NHLRC2: variants seen among roughly 807,000 people sequenced by gnomAD.
NHLRC2 encodes NHL repeat-containing protein 2.
In NHLRC2, 33 loss-of-function variants were observed where a neutral mutation model predicts 68.1. The ratio of observed to expected loss-of-function variants is 0.48; its 90% confidence interval spans 0.37 to 0.65. The LOEUF (loss-of-function observed/expected upper bound fraction) is 0.65, where lower values mean the gene tolerates loss of function less well. Among genes scored for constraint, NHLRC2 ranks in the 30% least tolerant of loss-of-function variants. The pLI is 0.00. For synonymous variants in NHLRC2, 311 were observed against 309.6 expected (o/e 1.00, Z -0.05); for missense variants, 761 against 853.8 (o/e 0.89, Z 1.35).
At chr10:113,866,161 C>G (rs993079372) in intron 2 of NHLRC2, among the ~76,000 whole-genome samples, 5 of 152,242 alleles carry the variant, frequency 3.3e-5, no homozygotes, top group African/African-American at 1.2e-4. Context: ...GCCAGTGCCA[C>G]TTTCACAGTC....
intron 5 of NHLRC2, among the ~76,000 whole-genome samples, chr10:113,897,574 A>G (rs1846187777): frequency 6.6e-6 from 1 of 152,216 alleles, no homozygotes. Context: ...TATATGTAAC[A>G]TAACAGAATA....
At chr10:113,903,448 T>C in intron 8 of NHLRC2, 79 bp from the exon 9 acceptor site, 1 of 831,044 alleles carries the variant, frequency 1.2e-6, no homozygotes, top group Non-Finnish European at 2.0e-6. Context: ...GAAATTAGCT[T>C]GCTTGATACC....
chr10:113,882,069 A>G (rs956638858), intron 4 of NHLRC2, among the ~76,000 whole-genome samples: 1 of 151,636 alleles, frequency 6.6e-6, no homozygotes, highest in Admixed American at 6.6e-5. Context: ...AATATATGAC[A>G]TTTTATCTAC....
At chr10:113,901,312 A>G (rs1458081947) in intron 6 of NHLRC2, among the ~76,000 whole-genome samples, 2 of 152,188 alleles carry the variant, frequency 1.3e-5, no homozygotes, top group African/African-American at 4.8e-5. Flanking sequence ...ATTGCATGAA[A>G]CTAAGAAGTT....
At position 113,855,057 on chromosome 10, in the gene NHLRC2, G is replaced by T; in HGVS notation, c.178+7G>T. 1.3e-6 allele frequency: 2 copies of T among 1,550,692 alleles called. No homozygotes were observed. The highest frequency in any genetic ancestry group is 2.4e-5 in the South Asian group (2 of 84,040). On this transcript the variant is annotated splice_region_variant and intron_variant, in intron 1 of 10. Coordinates refer to ENST00000369301, the MANE Select transcript of NHLRC2 (RefSeq NM_198514.4). ...GTACCCGAGTTTCCGGAAGGTGAGGGGCTGGCGTCGGGGTGGGGGCCCCTC... is the reference window on the plus strand; with the variant it reads ...GTACCCGAGTTTCCGGAAGGTGAGGTGCTGGCGTCGGGGTGGGGGCCCCTC...
rs1283571072 is a variant in NHLRC2, at chr10:113,914,971, G to A, written c.*6435G>A. On this transcript the variant is annotated 3_prime_UTR_variant, in exon 11 of 11. Transcript: ENST00000369301. The stretch of plus-strand genomic sequence containing the variant: ...GGCTGCCTCAGGCTTGCAGAAGGCT[G>A]CCCCAATCACAGAGCCTGGGTAAGG... 1 of 456,282 alleles carries A rather than the reference G, an allele frequency of 2.2e-6. No homozygotes were observed. The highest frequency in any genetic ancestry group is 4.4e-6 in the Non-Finnish European group (1 of 226,966). 28.3% of individuals were successfully genotyped at this position (456,282 alleles called of 1,614,324 possible).
chr10:113,857,423 A>G (rs1228301910), intron 1 of NHLRC2, among the ~76,000 whole-genome samples: 1 of 152,150 alleles, frequency 6.6e-6, no homozygotes. Context: ...GTTTGGACTA[A>G]TTGGCCCAAA....
Position 113,876,730 on chromosome 10 carries a change from G to GAGGGAC in NHLRC2, c.543_548dup (p.Gly182_His183insGlnGly). ...AAACATGTTGTTTTCTTTGATTGGA[G>GAGGGAC]AGGGACACAAAGATAAATTATTTTT... On this transcript the variant is annotated inframe_insertion, in exon 3 of 11. Transcript: ENST00000369301. The GAGGGAC allele has an allele frequency of 6.2e-7, 1 of 1,613,284 alleles. No homozygotes were observed. The highest frequency in any genetic ancestry group is 8.5e-7 in the Non-Finnish European group (1 of 1,179,386).
chr10:113,858,476 T>TA lies in NHLRC2; in HGVS notation c.179-49dup, dbSNP rs1589533309. On this transcript the variant is annotated intron_variant, in intron 1 of 10. Transcript: ENST00000369301. ...TCACATTTTAATGGAAAGTTTTAGG[T>TA]AAATTTTATCTTTCTCTTTAATCAT... 34 of 1,334,976 alleles carry TA rather than the reference T, an allele frequency of 2.5e-5. No homozygotes were observed. The East Asian group carries it at 8.0e-4, about 32-fold the overall frequency. The allele number at this position is 1,334,976 out of a possible 1,614,324, so 82.7% of individuals were successfully genotyped here. A position where few individuals can be genotyped will look rare whatever the true frequency, so the allele number is the denominator to read the frequency against.
Position 113,909,654 on chromosome 10 carries a change from T to C in NHLRC2, c.*1118T>C, listed in dbSNP as rs988459265. The C allele has an allele frequency of 7.2e-5, 11 of 152,146 alleles. No individual in the cohort carries two copies. Among genetic ancestry groups the C allele is most frequent in the Non-Finnish European group, 1.6e-4 (11 of 67,988 alleles). 9.4% of individuals were successfully genotyped at this position (152,146 alleles called of 1,614,324 possible). On this transcript the variant is annotated 3_prime_UTR_variant, in exon 11 of 11. Transcript: ENST00000369301. ...ATTTAATGATACTATTTTTTAATTT[T>C]TGTTGTTTTTTATCCCTAAAAAAAG...
Position 113,908,308 on chromosome 10 carries a change from A to G in NHLRC2, c.1953A>G (p.Ile651Met), listed in dbSNP as rs113017946. 5 of 1,613,454 alleles carry G rather than the reference A, an allele frequency of 3.1e-6. No homozygotes were observed. Among genetic ancestry groups the G allele is most frequent in the East Asian group, 4.5e-5 (2 of 44,882 alleles). The change falls in exon 11 of 11, where the codon ATA becomes ATG. Residue 651 changes from isoleucine (I) to methionine (M), a missense_variant. Physicochemically the swap from Ile to Met is conservative, Grantham distance 10 (BLOSUM62 1). Coordinates refer to ENST00000369301, the MANE Select transcript of NHLRC2 (RefSeq NM_198514.4). ...ATGAATGGCTACTTCAAGGACAGAT[A>G]GCAGCTGGAGATATAGAGAACATTT... The part of the protein sequence containing the change: ...EGNEWLLQGQ[I>M]AAGDIENISS...
At chr10:113,862,812 A>T (rs1362963796) in intron 2 of NHLRC2, among the ~76,000 whole-genome samples, 2 of 152,148 alleles carry the variant, frequency 1.3e-5, no homozygotes, top group Non-Finnish European at 2.9e-5. Context: ...TTTAGATCTA[A>T]AAAGGTTACA....
chr10:113,863,357 TTAAA>T (rs545065718), intron 2 of NHLRC2, among the ~76,000 whole-genome samples: 99 of 152,218 alleles, frequency 6.5e-4, no homozygotes, highest in Non-Finnish European at 1.2e-3. Context: ...CAGCACACTC[TTAAA>T]TAACCAGTGG....
intron 4 of NHLRC2, 136 bp from the exon 5 acceptor site, chr10:113,884,115 G>T: frequency 1.7e-6 from 1 of 592,512 alleles, no homozygotes; most frequent in Non-Finnish European, 2.8e-6. Context: ...ATAATTGATT[G>T]GCCTTTTTTC....
intron 2 of NHLRC2, among the ~76,000 whole-genome samples, chr10:113,871,478 A>G (rs74628981): frequency 0.029 from 4,344 of 152,168 alleles, 98 homozygotes; most frequent in Admixed American, 0.053. Flanking sequence ...CCCCACCTCA[A>G]TTTATTGTTA....
At chr10:113,901,071 A>G (rs1052755138) in intron 6 of NHLRC2, among the ~76,000 whole-genome samples, 3 of 152,188 alleles carry the variant, frequency 2.0e-5, no homozygotes, top group African/African-American at 4.8e-5. Context: ...GATTTGTACA[A>G]TCGATATAAT....
intron 3 of NHLRC2, among the ~76,000 whole-genome samples, chr10:113,877,595 G>T (rs570712592): frequency 6.6e-6 from 1 of 152,050 alleles, no homozygotes; most frequent in South Asian, 2.1e-4. Flanking sequence ...CTACCTCTTG[G>T]TTACATCTAC....
rs1846232617 is a variant in NHLRC2 at position 113,901,903 on chromosome 10, G to C, written c.1371+6G>C. ...GAGGAGAAAGAGACCCCATGGTAAT[G>C]ACAGTCACTCTTGCACAGTGCGCTC... is the stretch of plus-strand genomic sequence containing the variant. On this transcript the variant is annotated splice_donor_region_variant and intron_variant, in intron 7 of 10. Coordinates refer to ENST00000369301, the MANE Select transcript of NHLRC2 (RefSeq NM_198514.4). 2.5e-6 allele frequency: 4 copies of C among 1,586,172 alleles called. No homozygotes were observed. Among genetic ancestry groups the C allele is most frequent in the South Asian group, 1.1e-5 (1 of 90,534 alleles).
intron 3 of NHLRC2, 84 bp downstream of exon 3, chr10:113,877,060 A>G: frequency 2.5e-6 from 2 of 800,594 alleles, no homozygotes; most frequent in Non-Finnish European, 3.8e-6. Flanking sequence ...TGAAATGTCT[A>G]AATGAAAACT....
Sources: gnomAD v4.1 joint callset for allele counts (sites outside exome capture counted in the v4.1 genomes callset) on GRCh38, gnomAD v4.1.1 for gene constraint, MANE v1.5 for transcripts, NCBI Gene and HGNC (gene_info 2026-07-23, HGNC 2026-07-21) for gene names.